Variants in GABRA3 observed in about 807,000 individuals in gnomAD.
The protein encoded by GABRA3 is gamma-aminobutyric acid type A receptor subunit alpha3, also known as gamma-aminobutyric acid receptor subunit alpha-3.
GABRA3 carries 10 observed loss-of-function variants against 30.1 expected under a neutral mutation model. The ratio of observed to expected loss-of-function variants is 0.33; its 90% CI spans 0.20 to 0.56. GABRA3 has a LOEUF of 0.56. Ranked by LOEUF, GABRA3 falls within the 20% of genes least tolerant of loss-of-function variation. The probability of loss-of-function intolerance (pLI) is 0.89; values close to 1 mark genes in which losing one functional copy is unlikely to be tolerated. For missense variants in GABRA3, 233 were observed against 392.0 expected (o/e 0.59, Z 3.42); for synonymous variants, 151 against 146.8 (o/e 1.03, Z -0.21).
intron 3 of GABRA3, among the ~76,000 whole-genome samples, chrX:152,314,675 T>C (rs1369744269): frequency 8.9e-6 from 1 of 112,299 alleles, no homozygotes; most frequent in Non-Finnish European, 1.9e-5. Context: ...CTCTGTCTGG[T>C]GAACTCTCAC....
chrX:152,365,488 T>C (rs1339945143), intron 1 of GABRA3, among the ~76,000 whole-genome samples: 1 of 111,415 alleles, frequency 9.0e-6, no homozygotes, highest in East Asian at 2.8e-4. Context: ...AGACATGGGG[T>C]TAAGAAAGCA....
intron 1 of GABRA3, among the ~76,000 whole-genome samples, chrX:152,391,507 C>G (rs1929481722): frequency 9.0e-6 from 1 of 111,081 alleles, no homozygotes; most frequent in Non-Finnish European, 1.9e-5. Context: ...TAGGAGACAC[C>G]ATGACATGCG....
At chrX:152,194,409 AT>A (rs1465861700) in intron 8 of GABRA3, among the ~76,000 whole-genome samples, 1 of 103,770 alleles carries the variant, frequency 9.6e-6, no homozygotes, top group Non-Finnish European at 2.0e-5. Flanking sequence ...TTCAGAATAT[AT>A]AAATATTTCA....
chrX:152,351,686 T>C (rs958012192), intron 2 of GABRA3, among the ~76,000 whole-genome samples: 9 of 112,163 alleles, frequency 8.0e-5, no homozygotes, highest in Admixed American at 1.9e-4. Context: ...TTCATTCGCA[T>C]TGACAACTTG....
chrX:152,432,662 C>A (rs1388802442), intron 1 of GABRA3, among the ~76,000 whole-genome samples: 2 of 111,134 alleles, frequency 1.8e-5, no homozygotes, highest in Middle Eastern at 4.7e-3. Context: ...TGGGATCACA[C>A]CAGGATCTAA....
At chrX:152,303,298 A>G (rs1939664533) in intron 3 of GABRA3, among the ~76,000 whole-genome samples, 1 of 111,930 alleles carries the variant, frequency 8.9e-6, no homozygotes, top group African/African-American at 3.3e-5. Context: ...GCGATCATTA[A>G]AAAGTCAGGA....
chrX:152,182,824 A>ACTATATATGTATATATTTACAC lies in GABRA3; in HGVS notation c.1143+6905_1143+6906insGTGTAAATATATACATATATAG, dbSNP rs1937202051. On this transcript the variant is annotated intron_variant, in intron 9 of 9. Transcript: ENST00000370314. ...ATGTATATATTTACACCATATATATACATATATATAGTATATAAATACTAT... is the reference window on the plus strand; with the variant it reads ...ATGTATATATTTACACCATATATATACTATATATGTATATATTTACACCATATATATAGTATATAAATACTAT... Among the ~76,000 whole-genome samples the ACTATATATGTATATATTTACAC allele has an allele frequency of 1.1e-4, 9 of 80,100 alleles. No individual in the cohort carries two copies. In the East Asian group the frequency reaches 3.5e-3, roughly 31 times the overall value. The allele number at this position is 80,100 out of a possible 115,157, so 69.6% of individuals were successfully genotyped here. A position where few individuals can be genotyped will look rare whatever the true frequency, so the allele number is the denominator to read the frequency against.
intron 1 of GABRA3, among the ~76,000 whole-genome samples, chrX:152,427,262 A>G (rs772663273): frequency 4.5e-5 from 5 of 111,716 alleles, no homozygotes; most frequent in Admixed American, 9.5e-5. Context: ...TGACTCCTCT[A>G]TGACCTTGGA....
At chrX:152,283,681 A>C (rs1939237280) in intron 4 of GABRA3, among the ~76,000 whole-genome samples, 1 of 111,628 alleles carries the variant, frequency 9.0e-6, no homozygotes, top group African/African-American at 3.3e-5. Context: ...ACCTATAAGA[A>C]AACCTCTACC....
chrX:152,181,025 T>G (rs1214254529), intron 9 of GABRA3, among the ~76,000 whole-genome samples: 1 of 111,883 alleles, frequency 8.9e-6, no homozygotes, highest in Non-Finnish European at 1.9e-5. Context: ...TTCAGAGTAT[T>G]TTGTGGTTCC....
At chrX:152,182,471 CTATATATAGTATACATACTATATATAG>C (rs1409961150) in intron 9 of GABRA3, among the ~76,000 whole-genome samples, 16 of 85,856 alleles carry the variant, frequency 1.9e-4, no homozygotes, top group Non-Finnish European at 3.1e-4. Context: ...TATATGTACA[CTATATATAGTATACATACTATATATAG>C]TATATATACT....
intron 3 of GABRA3, among the ~76,000 whole-genome samples, chrX:152,291,086 A>G (rs1231724616): frequency 9.0e-6 from 1 of 111,676 alleles, no homozygotes; most frequent in Non-Finnish European, 1.9e-5. Flanking sequence ...ATGGCATTGA[A>G]TCTATAAATT....
intron 3 of GABRA3, among the ~76,000 whole-genome samples, chrX:152,290,436 G>T (rs1306179299): frequency 9.0e-6 from 1 of 111,566 alleles, no homozygotes. Context: ...TGGGTAGATT[G>T]CAAAAATTTT....
chrX:152,329,018 C>A (rs1053239756), intron 3 of GABRA3, among the ~76,000 whole-genome samples: 8 of 112,026 alleles, frequency 7.1e-5, no homozygotes, highest in African/African-American at 2.3e-4. Context: ...GATACAAAAT[C>A]AATGTGCAAC....
At chrX:152,318,482 A>C (rs1353728369) in intron 3 of GABRA3, among the ~76,000 whole-genome samples, 1 of 111,707 alleles carries the variant, frequency 9.0e-6, no homozygotes, top group Non-Finnish European at 1.9e-5. Flanking sequence ...CTATGAAGCC[A>C]GTAACACCCT....
intron 7 of GABRA3, among the ~76,000 whole-genome samples, chrX:152,206,650 G>C (rs917781690): frequency 1.8e-5 from 2 of 111,458 alleles, no homozygotes; most frequent in African/African-American, 6.5e-5. Flanking sequence ...GCCAATGCAC[G>C]ATGGCCAGGA....
At chrX:152,401,603 A>G (rs984024792) in intron 1 of GABRA3, among the ~76,000 whole-genome samples, 2 of 111,736 alleles carry the variant, frequency 1.8e-5, no homozygotes, top group African/African-American at 3.3e-5. Flanking sequence ...TCTTGGTCAA[A>G]TGATATTTCC....
intron 1 of GABRA3, among the ~76,000 whole-genome samples, chrX:152,380,229 A>T (rs1262909976): frequency 9.0e-6 from 1 of 111,192 alleles, no homozygotes; most frequent in Non-Finnish European, 1.9e-5. Context: ...GAAACATCGT[A>T]CCCTTTGATC....
chrX:152,394,102 T>G (rs1469784963), intron 1 of GABRA3, among the ~76,000 whole-genome samples: 1 of 111,497 alleles, frequency 9.0e-6, no homozygotes, highest in African/African-American at 3.3e-5. Context: ...TAAAAATATT[T>G]TATGTATAAT....
Sources: gnomAD v4.1 joint callset for allele counts (sites outside exome capture counted in the v4.1 genomes callset) on GRCh38, gnomAD v4.1.1 for gene constraint, MANE v1.5 for transcripts, NCBI Gene and HGNC (gene_info 2026-07-23, HGNC 2026-07-21) for gene names.